CACNA1C: variants seen among roughly 807,000 people sequenced by gnomAD.
CACNA1C encodes the protein voltage-dependent L-type calcium channel subunit alpha-1C.
A neutral mutation model predicts 229.0 loss-of-function variants in CACNA1C; 30 were observed. The ratio of observed to expected loss-of-function variants is 0.13; its 90% CI spans 0.10 to 0.18. The LOEUF (loss-of-function observed/expected upper bound fraction) is 0.18. Ranked by LOEUF, CACNA1C falls within the 10% of genes least tolerant of loss-of-function variation. The pLI is 1.00. For synonymous variants in CACNA1C, 1,114 were observed against 1,132.5 expected (o/e 0.98, Z 0.33); for missense variants, 1,658 against 2,845.0 (o/e 0.58, Z 9.49).
intron 3 of CACNA1C, among the ~76,000 whole-genome samples, chr12:2,172,489 C>T (rs2154265718): frequency 6.6e-6 from 1 of 152,314 alleles, no homozygotes; most frequent in African/African-American, 2.4e-5. Flanking sequence ...ATGATAATCT[C>T]ACAATTTTAT....
intron 3 of CACNA1C, among the ~76,000 whole-genome samples, chr12:2,154,063 C>T (rs901585421): frequency 6.6e-6 from 1 of 152,206 alleles, no homozygotes; most frequent in Admixed American, 6.5e-5. Context: ...CATTCCCGGC[C>T]TCTTCTCTCA....
intron 3 of CACNA1C, among the ~76,000 whole-genome samples, chr12:2,227,913 G>A (rs1253875900): frequency 6.6e-6 from 1 of 152,152 alleles, no homozygotes. Flanking sequence ...TTAAACACCT[G>A]ACTTTAAATT....
intron 3 of CACNA1C, among the ~76,000 whole-genome samples, chr12:2,334,603 G>C (rs1377194124): frequency 6.6e-6 from 1 of 152,176 alleles, no homozygotes; most frequent in Non-Finnish European, 1.5e-5. Flanking sequence ...CCAGGACTTT[G>C]AGACCGGCCT....
chr12:2,412,427 C>T (rs1378379162), intron 3 of CACNA1C, among the ~76,000 whole-genome samples: 1 of 152,228 alleles, frequency 6.6e-6, no homozygotes, highest in Non-Finnish European at 1.5e-5. Flanking sequence ...CCCAGCAGAC[C>T]TGGCTGCTTA....
chr12:2,526,854 A>G (rs1395668372), intron 9 of CACNA1C, among the ~76,000 whole-genome samples: 1 of 152,256 alleles, frequency 6.6e-6, no homozygotes, highest in Admixed American at 6.5e-5. Flanking sequence ...TTTAGAATTA[A>G]TACAGATTAG....
At chr12:2,445,800 A>T (rs150909836) in intron 3 of CACNA1C, among the ~76,000 whole-genome samples, 17 of 152,320 alleles carry the variant, frequency 1.1e-4, no homozygotes, top group Admixed American at 5.9e-4. Context: ...CCAGCTGCTT[A>T]TAGGAGTTGT....
At chr12:2,680,612 T>G (rs747922746) in intron 42 of CACNA1C, 1 of 1,514,358 alleles carries the variant, frequency 6.6e-7, no homozygotes, top group South Asian at 1.2e-5. Flanking sequence ...CAGAAAATAA[T>G]AGAGAAGTAG....
At chr12:2,115,633 C>A in intron 2 of CACNA1C, 88 bp downstream of exon 2, 1 of 1,319,578 alleles carries the variant, frequency 7.6e-7, no homozygotes, top group Non-Finnish European at 1.1e-6. Flanking sequence ...CGAGCTGTGT[C>A]AGCTGTGCTG....
chr12:2,455,938 G>A (rs1252531321), intron 4 of CACNA1C, among the ~76,000 whole-genome samples: 1 of 152,092 alleles, frequency 6.6e-6, no homozygotes, highest in Non-Finnish European at 1.5e-5. Flanking sequence ...TGGCCTCCTA[G>A]GTAGTCACAT....
chr12:2,122,942 G>A (rs532680645), intron 3 of CACNA1C, among the ~76,000 whole-genome samples: 1 of 152,270 alleles, frequency 6.6e-6, no homozygotes, highest in African/African-American at 2.4e-5. Context: ...GTAGTTCTGG[G>A]GCATGGTCTG....
At chr12:2,101,924 T>C (rs529438927) in intron 1 of CACNA1C, among the ~76,000 whole-genome samples, 9 of 152,282 alleles carry the variant, frequency 5.9e-5, no homozygotes, top group African/African-American at 2.2e-4. Context: ...CCCTGCATCA[T>C]GGGACCAAAG....
intron 3 of CACNA1C, 145 bp downstream of exon 3, chr12:2,120,575 T>G: frequency 1.5e-6 from 1 of 676,498 alleles, no homozygotes; most frequent in Non-Finnish European, 2.7e-6. Context: ...CCGAGTGCTG[T>G]TTTACTCTTT....
chr12:2,471,942 G>C (rs1201604286), intron 5 of CACNA1C, among the ~76,000 whole-genome samples: 1 of 152,200 alleles, frequency 6.6e-6, no homozygotes, highest in African/African-American at 2.4e-5. Flanking sequence ...GCCTCCCAGA[G>C]TGCTGGGATT....
chr12:2,223,156 T>C (rs957717931), intron 3 of CACNA1C, among the ~76,000 whole-genome samples: 1 of 152,180 alleles, frequency 6.6e-6, no homozygotes, highest in Admixed American at 6.5e-5. Flanking sequence ...TACTGGACAA[T>C]GTTGTCTGCA....
chr12:2,159,363 C>T (rs1012454943), intron 3 of CACNA1C, among the ~76,000 whole-genome samples: 2 of 151,772 alleles, frequency 1.3e-5, no homozygotes, highest in African/African-American at 2.4e-5. Flanking sequence ...GGTGTGGTAA[C>T]GTGTGCCTGT....
chr12:2,309,110 G>A (rs533440130), intron 3 of CACNA1C, among the ~76,000 whole-genome samples: 68 of 152,286 alleles, frequency 4.5e-4, no homozygotes, highest in African/African-American at 1.5e-3. Flanking sequence ...GCTGGCAGAT[G>A]AATAAAGAAA....
intron 29 of CACNA1C, among the ~76,000 whole-genome samples, chr12:2,615,789 G>T (rs1304774350): frequency 6.6e-6 from 1 of 152,234 alleles, no homozygotes; most frequent in Admixed American, 6.5e-5. Flanking sequence ...GTTGCCTGAG[G>T]TTTGCTGTCG....
intron 3 of CACNA1C, among the ~76,000 whole-genome samples, chr12:2,253,708 C>T (rs1187074813): frequency 6.6e-6 from 1 of 152,210 alleles, no homozygotes; most frequent in Admixed American, 6.5e-5. Flanking sequence ...CAGTAAATGT[C>T]AGTTTCTGCC....
At chr12:2,139,932 C>T (rs2093977037) in intron 3 of CACNA1C, among the ~76,000 whole-genome samples, 1 of 151,112 alleles carries the variant, frequency 6.6e-6, no homozygotes, top group Non-Finnish European at 1.5e-5. Context: ...GGCCTCCTCC[C>T]TGGCTCTCAG....
Sources: allele counts gnomAD v4.1 joint callset (sites outside exome capture counted in the v4.1 genomes callset), GRCh38; gene constraint gnomAD v4.1.1; transcripts MANE v1.5; gene names NCBI Gene and HGNC (gene_info 2026-07-23, HGNC 2026-07-21).